ASNS: variants seen among roughly 807,000 people sequenced by gnomAD.
The protein encoded by ASNS is asparagine synthetase [glutamine-hydrolyzing].
ASNS carries 37 observed loss-of-function variants against 62.6 expected under a neutral mutation model. The ratio of observed to expected loss-of-function variants is 0.59; its 90% CI spans 0.45 to 0.78. The LOEUF (loss-of-function observed/expected upper bound fraction) is 0.78. ASNS is among the 30% of genes least tolerant of loss of function. The pLI is 0.00. For synonymous variants in ASNS, 207 were observed against 237.9 expected (o/e 0.87, Z 1.19); for missense variants, 520 against 682.4 (o/e 0.76, Z 2.65).
At chr7:97,874,852 T>A (rs1439712078), upstream of ASNS, among the ~76,000 whole-genome samples, 1 of 152,286 alleles carries the variant, frequency 6.6e-6, no homozygotes, top group Non-Finnish European at 1.5e-5. Flanking sequence ...CACACGTGTG[T>A]CTTGCCTGAT....
At chr7:97,894,480 C>CAAAAAAAAAAAAAAAAAAAAAAAAAACA in the ASNS span, among the ~76,000 whole-genome samples, 1 of 36,544 alleles carries the variant, frequency 2.7e-5, no homozygotes, top group Non-Finnish European at 4.6e-5. Flanking sequence ...TGAGGCTAAC[C>CAAAAAAAAAAAAAAAAAAAAAAAAAACA]AAAAAAAAAA....
intron 4 of ASNS, among the ~76,000 whole-genome samples, chr7:97,861,090 C>T (rs1454188055): frequency 7.0e-6 from 1 of 142,570 alleles, no homozygotes; most frequent in African/African-American, 2.7e-5. Flanking sequence ...TGCGCGATCT[C>T]GGCTTACCGC....
the ASNS span, chr7:97,886,175 T>C: frequency 1.1e-5 from 3 of 279,660 alleles, no homozygotes; most frequent in Admixed American, 1.3e-4. Flanking sequence ...TGAGACAGCG[T>C]CTTCCTCTGT....
intron 3 of ASNS, among the ~76,000 whole-genome samples, chr7:97,865,843 G>C (rs1400554238): frequency 1.3e-5 from 2 of 152,178 alleles, no homozygotes; most frequent in East Asian, 3.8e-4. Context: ...CCCTTTGTGG[G>C]CGTGCTTGCA....
At chr7:97,883,657 C>T in the ASNS span, among the ~76,000 whole-genome samples, 1 of 152,176 alleles carries the variant, frequency 6.6e-6, no homozygotes, top group African/African-American at 2.4e-5. Flanking sequence ...ACCGATCACT[C>T]GCTTTCAATG....
upstream of ASNS, among the ~76,000 whole-genome samples, chr7:97,874,407 C>T (rs907163108): frequency 1.4e-4 from 21 of 152,060 alleles, no homozygotes; most frequent in Non-Finnish European, 2.2e-4. Context: ...TATTACAGGT[C>T]CTGAGACGAT....
At chr7:97,894,952 C>T in the ASNS span, among the ~76,000 whole-genome samples, 18 of 152,152 alleles carry the variant, frequency 1.2e-4, no homozygotes, top group Non-Finnish European at 1.9e-4. Context: ...TCCTAATGAA[C>T]ATAGATGGTA....
chr7:97,916,863 G>A, the ASNS span, among the ~76,000 whole-genome samples: 38 of 152,304 alleles, frequency 2.5e-4, no homozygotes, highest in Middle Eastern at 3.4e-3. Context: ...TCCTGCCACC[G>A]TATTTGGAGA....
chr7:97,891,091 G>C, the ASNS span, among the ~76,000 whole-genome samples: 1 of 152,218 alleles, frequency 6.6e-6, no homozygotes, highest in Non-Finnish European at 1.5e-5. Flanking sequence ...ACAAAAGAAA[G>C]AGGTTTAATG....
chr7:97,913,791 A>G, the ASNS span, among the ~76,000 whole-genome samples: 1 of 151,166 alleles, frequency 6.6e-6, no homozygotes, highest in Non-Finnish European at 1.5e-5. Flanking sequence ...ATAAATGAAC[A>G]GAAGGACAAG....
chr7:97,905,677 G>A, the ASNS span, among the ~76,000 whole-genome samples: 1 of 151,960 alleles, frequency 6.6e-6, no homozygotes, highest in Non-Finnish European at 1.5e-5. Flanking sequence ...CATGTTATAA[G>A]GAGAAGCATC....
At chr7:97,922,682 C>T in the ASNS span, among the ~76,000 whole-genome samples, 1 of 152,122 alleles carries the variant, frequency 6.6e-6, no homozygotes, top group Admixed American at 6.5e-5. Flanking sequence ...TCATGTTGTA[C>T]CCTCTTGTAC....
chr7:97,855,976 C>T (rs1054314455), intron 8 of ASNS, among the ~76,000 whole-genome samples: 1 of 152,188 alleles, frequency 6.6e-6, no homozygotes, highest in African/African-American at 2.4e-5. Flanking sequence ...TCTTCTCAAC[C>T]TTGTTTTTAT....
At chr7:97,854,518 T>G in intron 10 of ASNS, 62 bp downstream of exon 10, 1 of 1,575,182 alleles carries the variant, frequency 6.3e-7, no homozygotes, top group Non-Finnish European at 8.6e-7. Flanking sequence ...TTGAGCTTTT[T>G]GTTTTGTTTT....
chr7:97,862,634 A>C (rs1242816110), intron 4 of ASNS, among the ~76,000 whole-genome samples: 1 of 152,182 alleles, frequency 6.6e-6, no homozygotes, highest in Non-Finnish European at 1.5e-5. Flanking sequence ...ATATATAAGT[A>C]TCAGTTCATC....
chr7:97,872,693 G>C (rs1268704780), upstream of ASNS, among the ~76,000 whole-genome samples: 9 of 152,230 alleles, frequency 5.9e-5, no homozygotes, highest in Non-Finnish European at 1.3e-4. Flanking sequence ...TTTGTTCTTC[G>C]GGAAATCATC....
chr7:97,881,097 C>T, the ASNS span, among the ~76,000 whole-genome samples: 4 of 152,186 alleles, frequency 2.6e-5, no homozygotes, highest in Non-Finnish European at 5.9e-5. Flanking sequence ...TGCACCGCCA[C>T]GCCTGGCTAA....
At chr7:97,886,136 TTTTTGTTTGTAATG>T in the ASNS span, 1 of 349,658 alleles carries the variant, frequency 2.9e-6, no homozygotes, top group South Asian at 4.2e-5. Context: ...TGTTGTGTTT[TTTTTGTTTGTAATG>T]TTTTGTTTTG....
At chr7:97,927,275 C>G in the ASNS span, among the ~76,000 whole-genome samples, 1 of 152,088 alleles carries the variant, frequency 6.6e-6, no homozygotes, top group Non-Finnish European at 1.5e-5. Flanking sequence ...CAAAAACACA[C>G]CAAGGCATGA....
Sources: gnomAD v4.1 joint callset for allele counts (sites outside exome capture counted in the v4.1 genomes callset) on GRCh38, gnomAD v4.1.1 for gene constraint, MANE v1.5 for transcripts, NCBI Gene and HGNC (gene_info 2026-07-23, HGNC 2026-07-21) for gene names.